AMT: variants seen among roughly 807,000 people sequenced by gnomAD.
The protein encoded by AMT is aminomethyltransferase, mitochondrial.
AMT carries 24 observed loss-of-function variants against 39.5 expected under a neutral mutation model. That is an observed-to-expected ratio of 0.61 (90% CI 0.44 to 0.86). The LOEUF is 0.86. AMT is among the 40% of genes least tolerant of loss of function. The pLI is 0.00. For synonymous variants in AMT, 210 were observed against 212.1 expected (o/e 0.99, Z 0.09); for missense variants, 501 against 537.0 (o/e 0.93, Z 0.66).
chr3:49,421,828 A>T (rs1256087430), intron 2 of AMT: 2 of 677,176 alleles, frequency 3.0e-6, no homozygotes, highest in Non-Finnish European at 5.3e-6. Flanking sequence ...TCAAACCAAC[A>T]TCCAGCCCAA....
At position 49,417,273 on chromosome 3, in the gene AMT, C is replaced by T; in HGVS notation, c.*267G>A. On this transcript the variant is annotated 3_prime_UTR_variant, in exon 9 of 9. Transcript: ENST00000273588. ...TGGCAGAACCAAAGCTTCTCATTAC[C>T]CTCCAGCAGGCAAGAGTAGGTCAGT... 1 of 1,597,368 alleles carries T rather than the reference C, an allele frequency of 6.3e-7. No homozygotes were observed.
chr3:49,420,240 A>C lies in AMT; in HGVS notation c.442T>G (p.Cys148Gly). The C allele has an allele frequency of 6.2e-7, 1 of 1,614,236 alleles. No homozygotes were observed. The highest frequency in any genetic ancestry group is 8.5e-7 in the Non-Finnish European group (1 of 1,180,040). Reference protein sequence around the residue: ...GHLYVVSNAGCWEKDLALMQD... With the variant: ...GHLYVVSNAGGWEKDLALMQD... ...ATGAGGGCCAAATCTTTCTCCCAGC[A>C]GCCAGCGTTGGACACCACATACAGG... The change falls in exon 4 of 9, where the codon TGC becomes GGC. Residue 148 changes from cysteine (C) to glycine (G), a missense_variant. Transcript: ENST00000273588.
In AMT at chr3:49,419,378, G is replaced by T. The variant is rs1420976314; in HGVS notation, c.578C>A (p.Ala193Asp). 1 of 1,614,048 alleles carries T rather than the reference G, an allele frequency of 6.2e-7. No individual in the cohort carries two copies. Reference sequence around the variant, plus strand: ...TTTCCTCAGGTCATCTGCCACGCCGGCCTGTAGTACCTGGGCTGCAGTGGG... The same window carrying T: ...TTTCCTCAGGTCATCTGCCACGCCGTCCTGTAGTACCTGGGCTGCAGTGGG... ...QGPTAAQVLQ[A>D]GVADDLRKLP... Residue 193 changes from alanine (A) to aspartate (D), a missense_variant, in exon 6 of 9, where the codon GCC becomes GAC. Physicochemically the swap from Ala to Asp is moderately radical, Grantham distance 126. Coordinates refer to ENST00000273588, the MANE Select transcript of AMT (RefSeq NM_000481.4).
Position 49,420,204 on chromosome 3 carries a change from G to A in AMT, c.471+7C>T, listed in dbSNP as rs776638071. 2 of 1,614,034 alleles carry A rather than the reference G, an allele frequency of 1.2e-6. No homozygotes were observed. The highest frequency in any genetic ancestry group is 1.7e-6 in the Non-Finnish European group (2 of 1,180,028). On this transcript the variant is annotated splice_region_variant and intron_variant, in intron 4 of 8. Transcript: ENST00000273588. Reference sequence around the variant, plus strand: ...GACAAGGTGTCTAGAACACAGAGGGGGTATACCTGCATGAGGGCCAAATCT... The same window carrying A: ...GACAAGGTGTCTAGAACACAGAGGGAGTATACCTGCATGAGGGCCAAATCT...
Position 49,422,471 on chromosome 3 carries a change from G to C in AMT, c.-21C>G, listed in dbSNP as rs1319165232. 6.2e-7 allele frequency: 1 copy of C among 1,610,512 alleles called. No individual in the cohort carries two copies. Among genetic ancestry groups the C allele is most frequent in the African/African-American group, 1.3e-5 (1 of 74,896 alleles). On this transcript the variant is annotated 5_prime_UTR_variant, in exon 1 of 9. Coordinates refer to ENST00000273588, the MANE Select transcript of AMT (RefSeq NM_000481.4). The stretch of plus-strand genomic sequence containing the variant: ...TGCATCGTCGCCTGCAACGAGTGCA[G>C]ACGGCGCACAGAGGCCACCACACTG...
At chr3:49,418,224 C>A in intron 7 of AMT, 1 of 534,542 alleles carries the variant, frequency 1.9e-6, no homozygotes, top group East Asian at 3.3e-5. Context: ...CTCTGTCGCC[C>A]AGGCCTAGAA....
chr3:49,421,793 A>G, intron 2 of AMT: 1 of 668,708 alleles, frequency 1.5e-6, no homozygotes, highest in South Asian at 1.7e-5. Context: ...GACAGGACCT[A>G]GCACCTTCCT....
chr3:49,420,420 C>G, intron 3 of AMT, 78 bp from the exon 4 acceptor site: 1 of 1,607,144 alleles, frequency 6.2e-7, no homozygotes, highest in Non-Finnish European at 8.5e-7. Flanking sequence ...AACCCTGGAC[C>G]CACTTAGTTA....
At chr3:49,422,069 C>G (rs1454401370) in intron 2 of AMT, 35 bp downstream of exon 2, 1 of 1,612,860 alleles carries the variant, frequency 6.2e-7, no homozygotes, top group Admixed American at 1.7e-5. Flanking sequence ...GGGAGGAAGG[C>G]CTGATCAGAT....
In AMT at chr3:49,417,976, G is replaced by A. The variant is rs2049028739; in HGVS notation, c.878-3C>T. ...CATAGCAGCTCGGCGGCGCTTCCCT[G>A]GAGAATGACACATGAGACATAAGCC... On this transcript the variant is annotated splice_region_variant and splice_polypyrimidine_tract_variant and intron_variant, in intron 7 of 8. Transcript: ENST00000273588. 3 of 1,606,424 alleles carry A rather than the reference G, an allele frequency of 1.9e-6. No individual in the cohort carries two copies. Among genetic ancestry groups the A allele is most frequent in the Non-Finnish European group, 2.5e-6 (3 of 1,176,898 alleles).
intron 1 of AMT, 32 bp from the exon 2 acceptor site, chr3:49,422,303 C>T (rs2049120362): frequency 6.2e-7 from 1 of 1,613,552 alleles, no homozygotes; most frequent in Non-Finnish European, 8.5e-7. Flanking sequence ...GCCACCAGGG[C>T]CCTAGCCCCC....
intron 3 of AMT, chr3:49,420,760 C>CA (rs141209363): frequency 2.0e-5 from 5 of 246,514 alleles, no homozygotes; most frequent in Admixed American, 2.0e-4. Context: ...GCAATGCCCC[C>CA]AAAAAACTTC....
rs866158024 is a variant in AMT, at chr3:49,418,119, C to A, written c.878-146G>T. ...CAGGCTCTATTCCTCCCTTCACTGCCGTCAGCCAACCAACCACCTCCTATC... is the reference window on the plus strand; with the variant it reads ...CAGGCTCTATTCCTCCCTTCACTGCAGTCAGCCAACCAACCACCTCCTATC... On this transcript the variant is annotated intron_variant, in intron 7 of 8. Coordinates refer to ENST00000273588, the MANE Select transcript of AMT (RefSeq NM_000481.4). The A allele has an allele frequency of 2.2e-5, 22 of 1,017,372 alleles. No homozygotes were observed. In the South Asian group the frequency reaches 2.9e-4, roughly 13 times the overall value. 63.0% of individuals were successfully genotyped at this position (1,017,372 alleles called of 1,614,324 possible).
Position 49,421,756 on chromosome 3 carries a change from CTGTG to C in AMT, c.259-188_259-185del, listed in dbSNP as rs916310117. ...GATTTCCTGACCTCCCCCAGTCACT[CTGTG>C]TGGGGGGACTGCCAGGGAACTGGAC... On this transcript the variant is annotated intron_variant, in intron 2 of 8. Coordinates refer to ENST00000273588, the MANE Select transcript of AMT (RefSeq NM_000481.4). 4.2e-4 allele frequency: 289 copies of C among 694,386 alleles called. 1 individual carries two copies. In the African/African-American group the frequency reaches 4.2e-3, roughly 10 times the overall value. 43.0% of individuals were successfully genotyped at this position (694,386 alleles called of 1,614,324 possible).
chr3:49,417,727 C>G lies in AMT; in HGVS notation c.1034-9G>C. 2 of 1,613,962 alleles carry G rather than the reference C, an allele frequency of 1.2e-6. No individual in the cohort carries two copies. The highest frequency in any genetic ancestry group is 2.2e-5 in the East Asian group (1 of 44,876). On this transcript the variant is annotated splice_polypyrimidine_tract_variant and intron_variant, in intron 8 of 8. Coordinates refer to ENST00000273588, the MANE Select transcript of AMT (RefSeq NM_000481.4). ...GCCACTAGTCACAGTACCTGTCAAG[C>G]AAGCATAAGCCACGCATCAGCACCA...
chr3:49,417,625 A>G lies in AMT; in HGVS notation c.1127T>C (p.Leu376Pro). The G allele has an allele frequency of 1.2e-6, 2 of 1,614,198 alleles. No homozygotes were observed. Among genetic ancestry groups the G allele is most frequent in the Non-Finnish European group, 8.5e-7 (1 of 1,180,042 alleles). The change falls in exon 9 of 9, where the codon CTG becomes CCG. Residue 376 changes from leucine (L) to proline (P), a missense_variant. Coordinates refer to ENST00000273588, the MANE Select transcript of AMT (RefSeq NM_000481.4). ...PCEYSRPGTM[L>P]LVEVRRKQQM... is the part of the protein sequence containing the mutation. Reference sequence around the variant, plus strand: ...CTGCTTCCGCCGCACCTCTACCAGCAGCATTGTCCCTGGACGACTGTACTC... The same window carrying G: ...CTGCTTCCGCCGCACCTCTACCAGCGGCATTGTCCCTGGACGACTGTACTC...
At chr3:49,421,694 G>C in intron 2 of AMT, 122 bp from the exon 3 acceptor site, 1 of 888,526 alleles carries the variant, frequency 1.1e-6, no homozygotes, top group Non-Finnish European at 1.9e-6. Context: ...TGACTAACCA[G>C]TCTTTTGGTT....
At position 49,422,175 on chromosome 3, in the gene AMT, C is replaced by G. The variant is rs764479454; in HGVS notation, c.187G>C (p.Asp63His). The G allele has an allele frequency of 1.2e-6, 2 of 1,613,978 alleles. No homozygotes were observed. Among genetic ancestry groups the G allele is most frequent in the Non-Finnish European group, 1.7e-6 (2 of 1,180,046 alleles). ...AGWSLPVQYR[D>H]SHTDSHLHTR... Reference sequence around the variant, plus strand: ...TGCAGGTGCGAGTCAGTGTGACTGTCCCGGTACTGCACTGGCAGACTCCAA... The same window carrying G: ...TGCAGGTGCGAGTCAGTGTGACTGTGCCGGTACTGCACTGGCAGACTCCAA... Residue 63 changes from aspartate (D) to histidine (H), a missense_variant, in exon 2 of 9, where the codon GAC (aspartate) becomes CAC (histidine). Physicochemically the swap from Asp to His is moderately conservative, Grantham distance 81. Transcript: ENST00000273588.
intron 5 of AMT, 141 bp downstream of exon 5, chr3:49,419,569 G>A (rs1020178363): frequency 2.8e-6 from 4 of 1,433,544 alleles, no homozygotes; most frequent in Admixed American, 3.4e-5. Flanking sequence ...TAGGTAGGAG[G>A]AGGGCAAGAT....
Sources: gnomAD v4.1 joint callset for allele counts on GRCh38, gnomAD v4.1.1 for gene constraint, MANE v1.5 for transcripts, NCBI Gene and HGNC (gene_info 2026-07-23, HGNC 2026-07-21) for gene names.